The following SLC4A7 variants were observed in gnomAD, a reference collection of about 807,000 sequenced individuals.
SLC4A7 encodes the protein sodium bicarbonate cotransporter 3.
SLC4A7 carries 51 observed loss-of-function variants against 137.6 expected under a neutral mutation model. The ratio of observed to expected loss-of-function variants is 0.37; its 90% CI spans 0.30 to 0.47. The LOEUF is 0.47. SLC4A7 is among the 20% of genes least tolerant of loss of function. The pLI is 1.00. For missense variants in SLC4A7, 1,247 were observed against 1,525.4 expected, an observed-to-expected ratio of 0.82 and a Z score of 3.04; for synonymous variants, 542 against 518.6, an observed-to-expected ratio of 1.05 and a Z score of -0.61.
chr3:27,463,829 G>C (rs1293588882), intron 1 of SLC4A7, among the ~76,000 whole-genome samples: 1 of 152,150 alleles, frequency 6.6e-6, no homozygotes, highest in Non-Finnish European at 1.5e-5. Flanking sequence ...ACTTTGCTGT[G>C]TTGTTCTTTT....
chr3:27,427,053 A>G (rs2055709031), intron 7 of SLC4A7, among the ~76,000 whole-genome samples: 1 of 152,240 alleles, frequency 6.6e-6, no homozygotes, highest in Admixed American at 6.5e-5. Context: ...TGAGGTAGTT[A>G]CAGCAATGGT....
intron 1 of SLC4A7, among the ~76,000 whole-genome samples, chr3:27,453,481 C>A (rs1340649996): frequency 6.6e-6 from 1 of 152,090 alleles, no homozygotes; most frequent in South Asian, 2.1e-4. Flanking sequence ...GGTGTGGTGG[C>A]ACGCGCCTGT....
chr3:27,482,729 A>C (rs1482220459), intron 1 of SLC4A7, among the ~76,000 whole-genome samples: 16 of 152,060 alleles, frequency 1.1e-4, no homozygotes. Flanking sequence ...CCGAGATCGC[A>C]CCACTGCATT....
At chr3:27,400,235 T>C (rs1221697354) in intron 16 of SLC4A7, among the ~76,000 whole-genome samples, 1 of 152,244 alleles carries the variant, frequency 6.6e-6, no homozygotes, top group African/African-American at 2.4e-5. Context: ...TAGGTGTTCA[T>C]TACATGTTTT....
chr3:27,476,839 C>G (rs551458647), intron 1 of SLC4A7, among the ~76,000 whole-genome samples: 48 of 152,256 alleles, frequency 3.2e-4, no homozygotes, highest in African/African-American at 1.1e-3. Flanking sequence ...TCAGGTAGTT[C>G]TTTATAGCAC....
chr3:27,436,151 T>C (rs982218164), intron 5 of SLC4A7, among the ~76,000 whole-genome samples: 4 of 152,218 alleles, frequency 2.6e-5, no homozygotes, highest in African/African-American at 9.6e-5. Flanking sequence ...AAAAACTCTT[T>C]TCTGAATTTC....
At chr3:27,432,659 T>C (rs964281464) in intron 6 of SLC4A7, among the ~76,000 whole-genome samples, 1 of 152,092 alleles carries the variant, frequency 6.6e-6, no homozygotes, top group Non-Finnish European at 1.5e-5. Context: ...ATTTAAACAA[T>C]AAGCTACATG....
intron 6 of SLC4A7, among the ~76,000 whole-genome samples, chr3:27,432,243 A>G (rs1448744253): frequency 1.3e-5 from 2 of 152,204 alleles, no homozygotes; most frequent in Non-Finnish European, 2.9e-5. Flanking sequence ...AAGTTTTAAA[A>G]AAAGACAAAT....
intron 12 of SLC4A7, 54 bp downstream of exon 12, chr3:27,411,588 T>C (rs1037221505): frequency 4.4e-6 from 4 of 900,194 alleles, no homozygotes; most frequent in Admixed American, 5.9e-5. Context: ...ATAATATTTA[T>C]GTTTTCATCA....
chr3:27,457,614 T>C (rs1472436343), intron 1 of SLC4A7, among the ~76,000 whole-genome samples: 1 of 152,154 alleles, frequency 6.6e-6, no homozygotes, highest in Non-Finnish European at 1.5e-5. Flanking sequence ...CAAATGAACA[T>C]TTTACACATT....
intron 3 of SLC4A7, among the ~76,000 whole-genome samples, chr3:27,441,600 A>G (rs988112036): frequency 1.3e-5 from 2 of 152,048 alleles, no homozygotes; most frequent in Admixed American, 1.3e-4. Context: ...TAAAGGGATC[A>G]ATCCACCTCA....
Position 27,375,588 on chromosome 3 carries a change from A to T in SLC4A7, c.*1176T>A, listed in dbSNP as rs956887063. The T allele has an allele frequency of 3.9e-5, 6 of 152,472 alleles. No homozygotes were observed. Among genetic ancestry groups the T allele is most frequent in the Non-Finnish European group, 7.4e-5 (5 of 67,906 alleles). The allele number at this position is 152,472 out of a possible 1,614,324, so 9.4% of individuals were successfully genotyped here. Reference sequence around the variant, plus strand: ...GCAGTGCTTTATATCAAAGATGTAAAATCTATCAATTGCTTTAAGATAATA... The same window carrying T: ...GCAGTGCTTTATATCAAAGATGTAATATCTATCAATTGCTTTAAGATAATA... On this transcript the variant is annotated 3_prime_UTR_variant, in exon 26 of 26. Transcript: ENST00000454389.
intron 1 of SLC4A7, among the ~76,000 whole-genome samples, chr3:27,454,859 A>G (rs1375450464): frequency 6.6e-6 from 1 of 152,176 alleles, no homozygotes; most frequent in African/African-American, 2.4e-5. Context: ...TTCAAATAAC[A>G]ACAAAAAGGA....
rs202053055 is a variant in SLC4A7 at position 27,438,611 on chromosome 3, AAAAT to A, written c.290-1089_290-1086del. 6.9e-3 allele frequency among the ~76,000 whole-genome samples: 1,046 copies of A among 151,964 alleles called. 3 individuals are homozygous for A. Among genetic ancestry groups the A allele is most frequent in the Non-Finnish European group, 0.01 (699 of 67,952 alleles). On this transcript the variant is annotated intron_variant, in intron 3 of 25. Coordinates refer to ENST00000454389, the MANE Select transcript of SLC4A7 (RefSeq NM_001321103.2). ...AAAATAAAATAACATAACATAAAAT[AAAAT>A]AACAAAATAACATAACATAAAATAA... is the stretch of plus-strand genomic sequence containing the variant.
In SLC4A7 at chr3:27,376,170, A is replaced by C. The variant is rs2049883201; in HGVS notation, c.*594T>G. ...GGTTTTAAGATTTAAAAAAAATTTA[A>C]ACATAAAAGTTAAAAACTATCATTA... On this transcript the variant is annotated 3_prime_UTR_variant, in exon 26 of 26. Coordinates refer to ENST00000454389, the MANE Select transcript of SLC4A7 (RefSeq NM_001321103.2). 6.6e-6 allele frequency: 1 copy of C among 152,112 alleles called. No homozygotes were observed. Among genetic ancestry groups the C allele is most frequent in the African/African-American group, 2.4e-5 (1 of 41,444 alleles). 9.4% of individuals were successfully genotyped at this position (152,112 alleles called of 1,614,324 possible). A position where few individuals can be genotyped will look rare whatever the true frequency, so the allele number is the denominator to read the frequency against.
At chr3:27,397,840 T>A (rs767776585) in intron 17 of SLC4A7, 43 bp from the exon 18 acceptor site, 2 of 1,112,962 alleles carry the variant, frequency 1.8e-6, no homozygotes, top group Non-Finnish European at 1.3e-6. Context: ...AGAAATACTA[T>A]GTGTTCTTTC....
intron 25 of SLC4A7, among the ~76,000 whole-genome samples, chr3:27,377,178 A>G (rs1486740673): frequency 6.6e-6 from 1 of 152,084 alleles, no homozygotes. Flanking sequence ...ATAGCATGAG[A>G]CTTTTACTGA....
chr3:27,467,623 T>C (rs1270360675), intron 1 of SLC4A7, among the ~76,000 whole-genome samples: 3 of 152,224 alleles, frequency 2.0e-5, no homozygotes, highest in Non-Finnish European at 2.9e-5. Context: ...AACATATGTT[T>C]CAGTGAGGAG....
rs922064450 is a variant in SLC4A7, at chr3:27,398,384, G to C, written c.2428-31C>G. ...AAAAAGGAGAAAGAAAAAGCAGAATGGGGGATTCTTACGTATTCAATAAAT... is the reference window on the plus strand; with the variant it reads ...AAAAAGGAGAAAGAAAAAGCAGAATCGGGGATTCTTACGTATTCAATAAAT... On this transcript the variant is annotated intron_variant, in intron 16 of 25. Coordinates refer to ENST00000454389, the MANE Select transcript of SLC4A7 (RefSeq NM_001321103.2). 1.9e-6 allele frequency: 3 copies of C among 1,570,430 alleles called. No homozygotes were observed. In the Admixed American group the frequency reaches 5.7e-5, roughly 30 times the overall value.
Sources: gnomAD v4.1 joint callset for allele counts (sites outside exome capture counted in the v4.1 genomes callset) on GRCh38, gnomAD v4.1.1 for gene constraint, MANE v1.5 for transcripts, NCBI Gene and HGNC (gene_info 2026-07-23, HGNC 2026-07-21) for gene names.